The following ARHGAP24 variants were observed in gnomAD, a reference collection of about 807,000 sequenced individuals.
ARHGAP24 encodes rho GTPase-activating protein 24.
In ARHGAP24, 50 loss-of-function variants were observed where a neutral mutation model predicts 76.4. The observed-to-expected ratio is 0.65, with a 90% CI of 0.52 to 0.83. The LOEUF is 0.83. Among genes scored for constraint, ARHGAP24 ranks in the 40% least tolerant of loss-of-function variants. The pLI is 0.00. For missense variants in ARHGAP24, 930 were observed against 914.2 expected (o/e 1.02, Z -0.22); for synonymous variants, 345 against 323.3 (o/e 1.07, Z -0.72).
intron 3 of ARHGAP24, chr4:85,827,809 C>A: frequency 1.2e-6 from 1 of 832,194 alleles, no homozygotes; most frequent in Non-Finnish European, 1.7e-6. Context: ...GGTTTCCATT[C>A]CTGGGTGATG....
intron 9 of ARHGAP24, 35 bp from the exon 10 acceptor site, chr4:86,000,444 T>TGGGGGGG: frequency 3.2e-6 from 2 of 616,720 alleles, no homozygotes; most frequent in Non-Finnish European, 5.4e-6. Context: ...TACTCTTGCG[T>TGGGGGGG]CCCCACCCCC....
chr4:85,974,652 C>T (rs192082129), intron 6 of ARHGAP24, among the ~76,000 whole-genome samples: 2 of 152,298 alleles, frequency 1.3e-5, no homozygotes, highest in East Asian at 1.9e-4. Context: ...ATGATAACAG[C>T]TTCACTTGAA....
rs775884456 is a variant in ARHGAP24 at position 85,852,068 on chromosome 4, C to T, written c.269-71580C>T. ...TTTTCCAGCTTGGTTCCATTCTCCC[C>T]GTCACTTTCAGGTACACCAATCAAA... On this transcript the variant is annotated intron_variant, in intron 3 of 9. Transcript: ENST00000395184. Among the ~76,000 whole-genome samples, 3 of 152,164 alleles carry T rather than the reference C, an allele frequency of 2.0e-5. No homozygotes were observed. In the East Asian group the frequency reaches 5.8e-4, roughly 29 times the overall value.
intron 3 of ARHGAP24, among the ~76,000 whole-genome samples, chr4:85,840,569 G>A (rs1730544380): frequency 6.6e-6 from 1 of 152,148 alleles, no homozygotes; most frequent in South Asian, 2.1e-4. Context: ...CATAACTGCT[G>A]TGGATCCAGG....
chr4:85,792,929 T>G (rs1440806263), intron 3 of ARHGAP24, among the ~76,000 whole-genome samples: 1 of 152,152 alleles, frequency 6.6e-6, no homozygotes, highest in Non-Finnish European at 1.5e-5. Flanking sequence ...ATGCAGAGAA[T>G]CCATTGTTTT....
rs756996169 is a variant in ARHGAP24 at position 85,930,893 on chromosome 4, G to A, written c.391+7123G>A. ...GTTTCGCTCAGAGGCAGGTTTTAAA[G>A]GAAGCCAAAACCGGGTTCAGAACTT... is the stretch of plus-strand genomic sequence containing the variant. On this transcript the variant is annotated intron_variant, in intron 4 of 9. Coordinates refer to ENST00000395184, the MANE Select transcript of ARHGAP24 (RefSeq NM_001025616.3). 2.2e-5 allele frequency: 36 copies of A among 1,612,772 alleles called. No homozygotes were observed. The Admixed American group carries it at 4.7e-4, about 21-fold the overall frequency.
chr4:85,870,947 C>A (rs1732491447), intron 3 of ARHGAP24, among the ~76,000 whole-genome samples: 1 of 152,074 alleles, frequency 6.6e-6, no homozygotes, highest in African/African-American at 2.4e-5. Context: ...CTGAATGGTA[C>A]AATTGTATTT....
intron 1 of ARHGAP24, among the ~76,000 whole-genome samples, chr4:85,500,921 C>T (rs1248764288): frequency 6.8e-6 from 1 of 147,028 alleles, no homozygotes; most frequent in African/African-American, 2.5e-5. Flanking sequence ...CACCCAGTGT[C>T]CAAGTGTTCT....
At chr4:85,848,941 G>A (rs1437179126) in intron 3 of ARHGAP24, among the ~76,000 whole-genome samples, 2 of 151,950 alleles carry the variant, frequency 1.3e-5, no homozygotes, top group Non-Finnish European at 2.9e-5. Flanking sequence ...CTCTTTTTTG[G>A]TTCCATATGA....
intron 5 of ARHGAP24, among the ~76,000 whole-genome samples, chr4:85,964,643 A>T (rs1738465756): frequency 6.6e-6 from 1 of 152,142 alleles, no homozygotes; most frequent in African/African-American, 2.4e-5. Context: ...AGACTTACTC[A>T]TGGGAAATAT....
chr4:85,734,898 C>T (rs1460525293), intron 3 of ARHGAP24, among the ~76,000 whole-genome samples: 1 of 151,958 alleles, frequency 6.6e-6, no homozygotes, highest in Admixed American at 6.6e-5. Context: ...ATTTTATTTT[C>T]GATCATCCTG....
intron 5 of ARHGAP24, among the ~76,000 whole-genome samples, chr4:85,955,308 G>A (rs1249852203): frequency 1.4e-5 from 2 of 145,952 alleles, no homozygotes; most frequent in Admixed American, 1.4e-4. Context: ...CCTTCCTTCT[G>A]GAGTTTTCCA....
intron 3 of ARHGAP24, among the ~76,000 whole-genome samples, chr4:85,845,204 CATG>C (rs886596130): frequency 1.3e-5 from 2 of 152,146 alleles, no homozygotes; most frequent in African/African-American, 4.8e-5. Context: ...CGTTATTACT[CATG>C]ATAATTTTCA....
chr4:85,927,093 C>T (rs1195354781), intron 4 of ARHGAP24, among the ~76,000 whole-genome samples: 2 of 151,988 alleles, frequency 1.3e-5, no homozygotes, highest in East Asian at 1.9e-4. Context: ...CCCAAATGTC[C>T]ATCAACAGAT....
At chr4:85,547,213 A>G (rs972652831) in intron 1 of ARHGAP24, among the ~76,000 whole-genome samples, 11 of 152,100 alleles carry the variant, frequency 7.2e-5, no homozygotes, top group African/African-American at 2.7e-4. Flanking sequence ...TCTTTAGTGT[A>G]CTTTCACCTG....
At chr4:85,688,032 C>T (rs1350117477) in intron 2 of ARHGAP24, among the ~76,000 whole-genome samples, 5 of 152,090 alleles carry the variant, frequency 3.3e-5, no homozygotes, top group African/African-American at 9.7e-5. Flanking sequence ...AGGCTGATCT[C>T]GAACTCCTGA....
At chr4:85,835,711 A>T (rs1262633157) in intron 3 of ARHGAP24, among the ~76,000 whole-genome samples, 1 of 151,972 alleles carries the variant, frequency 6.6e-6, no homozygotes, top group South Asian at 2.1e-4. Context: ...TTTGAGATGG[A>T]GTCTTGCTCT....
At chr4:85,580,504 CA>C (rs1727563895) in intron 2 of ARHGAP24, among the ~76,000 whole-genome samples, 1 of 152,144 alleles carries the variant, frequency 6.6e-6, no homozygotes, top group Non-Finnish European at 1.5e-5. Context: ...TTCATTATTT[CA>C]CATGAACTCA....
intron 3 of ARHGAP24, among the ~76,000 whole-genome samples, chr4:85,844,794 A>T (rs1730785080): frequency 6.6e-6 from 1 of 152,154 alleles, no homozygotes; most frequent in South Asian, 2.1e-4. Context: ...TTGTTGTTTT[A>T]GTTCATTTTG....
Sources: gnomAD v4.1 joint callset for allele counts (sites outside exome capture counted in the v4.1 genomes callset) on GRCh38, gnomAD v4.1.1 for gene constraint, MANE v1.5 for transcripts, NCBI Gene and HGNC (gene_info 2026-07-23, HGNC 2026-07-21) for gene names.